The following RNF180 variants were observed in gnomAD, a reference collection of about 807,000 sequenced individuals.
RNF180 encodes the protein ring finger protein 180, also known as E3 ubiquitin-protein ligase RNF180.
RNF180 carries 38 observed loss-of-function variants against 59.2 expected under a neutral mutation model. The ratio of observed to expected loss-of-function variants is 0.64; its 90% confidence interval spans 0.50 to 0.84. The LOEUF (loss-of-function observed/expected upper bound fraction) is 0.84. Among genes scored for constraint, RNF180 ranks in the 40% least tolerant of loss-of-function variants. The pLI, the probability that RNF180 is intolerant of heterozygous loss-of-function variation, is 0.00. For missense variants in RNF180, 705 were observed against 700.9 expected, an observed-to-expected ratio of 1.01 and a Z score of -0.07; for synonymous variants, 262 against 240.3, an observed-to-expected ratio of 1.09 and a Z score of -0.84.
At chr5:64,181,781 A>G (rs1250614913) in intron 1 of RNF180, among the ~76,000 whole-genome samples, 3 of 152,206 alleles carry the variant, frequency 2.0e-5, no homozygotes, top group African/African-American at 7.2e-5. Context: ...GGGAAGATTT[A>G]TTATTGAAAA....
intron 5 of RNF180, among the ~76,000 whole-genome samples, chr5:64,244,142 G>A (rs913862163): frequency 6.6e-6 from 1 of 152,026 alleles, no homozygotes; most frequent in Non-Finnish European, 1.5e-5. Context: ...GAAAAAACAG[G>A]ACAAAAAGGC....
chr5:64,175,218 C>G (rs771824419), intron 1 of RNF180, among the ~76,000 whole-genome samples: 1 of 152,176 alleles, frequency 6.6e-6, no homozygotes, highest in African/African-American at 2.4e-5. Flanking sequence ...ATGCCCGCCT[C>G]GGACTCCCAA....
intron 2 of RNF180, among the ~76,000 whole-genome samples, chr5:64,210,467 T>A (rs575580219): frequency 4.9e-4 from 74 of 152,286 alleles, no homozygotes; most frequent in African/African-American, 1.8e-3. Flanking sequence ...ATTTCTCTTT[T>A]GAGGGGGAAA....
intron 5 of RNF180, among the ~76,000 whole-genome samples, chr5:64,289,390 A>T (rs1742456547): frequency 6.6e-6 from 1 of 152,186 alleles, no homozygotes; most frequent in Non-Finnish European, 1.5e-5. Context: ...TGGTATCAGG[A>T]TGATACTGGT....
intron 5 of RNF180, among the ~76,000 whole-genome samples, chr5:64,238,454 A>G (rs895601264): frequency 6.6e-6 from 1 of 152,136 alleles, no homozygotes; most frequent in Admixed American, 6.5e-5. Flanking sequence ...CATTATCATC[A>G]ACAGTATGCA....
chr5:64,216,390 A>G (rs1214104380), intron 4 of RNF180, among the ~76,000 whole-genome samples: 1 of 152,140 alleles, frequency 6.6e-6, no homozygotes, highest in Non-Finnish European at 1.5e-5. Flanking sequence ...GTAAACACTT[A>G]CTAAAGCTTG....
At chr5:64,233,413 A>G (rs763017249) in intron 5 of RNF180, among the ~76,000 whole-genome samples, 7 of 152,242 alleles carry the variant, frequency 4.6e-5, no homozygotes, top group Non-Finnish European at 1.0e-4. Flanking sequence ...AAATAATTTT[A>G]AGGAAGCTAG....
intron 5 of RNF180, among the ~76,000 whole-genome samples, chr5:64,288,503 C>T (rs888362167): frequency 2.0e-4 from 30 of 152,270 alleles, no homozygotes; most frequent in Admixed American, 1.8e-3. Context: ...GCCATTTTCA[C>T]GATATGATTC....
At position 64,177,526 on chromosome 5, in the gene RNF180, CATATATATATATATAT is replaced by C. The variant is rs58046669; in HGVS notation, c.-1+11598_-1+11613del. On this transcript the variant is annotated intron_variant, in intron 1 of 7. Coordinates refer to ENST00000389100, the MANE Select transcript of RNF180 (RefSeq NM_001113561.2). ...TTTTTTTCAAAGGCATAAATTATGC[CATATATATATATATAT>C]ATATATATATATATATATATATATG... Among the ~76,000 whole-genome samples, 999 of 105,226 alleles carry C rather than the reference CATATATATATATATAT, an allele frequency of 9.5e-3. 19 individuals carry two copies. Among genetic ancestry groups the C allele is most frequent in the African/African-American group, 0.026 (849 of 32,060 alleles). 69.0% of individuals were successfully genotyped at this position (105,226 alleles called of 152,430 possible).
chr5:64,227,125 G>T (rs1741816702), intron 5 of RNF180, among the ~76,000 whole-genome samples: 1 of 152,180 alleles, frequency 6.6e-6, no homozygotes, highest in African/African-American at 2.4e-5. Flanking sequence ...AGAGCTGGAG[G>T]CAGCGGCCAC....
chr5:64,366,374 C>T (rs1297386377), intron 7 of RNF180, among the ~76,000 whole-genome samples: 6 of 151,496 alleles, frequency 4.0e-5, no homozygotes, highest in Admixed American at 2.0e-4. Flanking sequence ...GTCTTTCTCT[C>T]TAGCTGCCTT....
chr5:64,265,723 C>T (rs918625063), intron 5 of RNF180, among the ~76,000 whole-genome samples: 1 of 151,836 alleles, frequency 6.6e-6, no homozygotes, highest in African/African-American at 2.4e-5. Flanking sequence ...TTTTTTGGTG[C>T]CATATGAAAT....
chr5:64,185,677 A>G (rs1287787382), intron 1 of RNF180, among the ~76,000 whole-genome samples: 1 of 152,174 alleles, frequency 6.6e-6, no homozygotes, highest in African/African-American at 2.4e-5. Flanking sequence ...AATTGCCACA[A>G]ATTCATTTCA....
chr5:64,313,195 G>A (rs1743864644), intron 5 of RNF180, among the ~76,000 whole-genome samples: 1 of 151,946 alleles, frequency 6.6e-6, no homozygotes, highest in South Asian at 2.1e-4. Context: ...ACATGTGCAG[G>A]TTTGTTAAAT....
intron 5 of RNF180, among the ~76,000 whole-genome samples, chr5:64,251,804 G>C (rs1191535000): frequency 6.6e-6 from 1 of 152,048 alleles, no homozygotes; most frequent in African/African-American, 2.4e-5. Context: ...TACACACAGT[G>C]AACTATCTGA....
intron 7 of RNF180, among the ~76,000 whole-genome samples, chr5:64,333,136 C>A (rs180943640): frequency 1.3e-5 from 2 of 152,110 alleles, no homozygotes; most frequent in African/African-American, 4.8e-5. Context: ...AATTTAATAT[C>A]TAGAGATTTG....
rs566743050 is a variant in RNF180, at chr5:64,331,236, C to T, written c.1579+830C>T. Among the ~76,000 whole-genome samples the T allele has an allele frequency of 4.6e-5, 7 of 152,278 alleles. No homozygotes were observed. The South Asian group carries it at 8.3e-4, about 18-fold the overall frequency. ...AGAATAGCTTGGGCACTGTGGGCAC[C>T]GTGGATGGCAGGTTGATGGTGGCAG... On this transcript the variant is annotated intron_variant, in intron 7 of 7. Coordinates refer to ENST00000389100, the MANE Select transcript of RNF180 (RefSeq NM_001113561.2).
At chr5:64,265,689 A>C (rs968965158) in intron 5 of RNF180, among the ~76,000 whole-genome samples, 4 of 152,146 alleles carry the variant, frequency 2.6e-5, no homozygotes, top group African/African-American at 9.7e-5. Flanking sequence ...CTTTTTGCTT[A>C]GGATTGTCTT....
chr5:64,337,182 T>C (rs1015907695), intron 7 of RNF180, among the ~76,000 whole-genome samples: 1 of 152,022 alleles, frequency 6.6e-6, no homozygotes, highest in African/African-American at 2.4e-5. Flanking sequence ...CCTGGCTGAT[T>C]TTGTTTTTGT....
Sources: gnomAD v4.1 joint callset for allele counts (sites outside exome capture counted in the v4.1 genomes callset) on GRCh38, gnomAD v4.1.1 for gene constraint, MANE v1.5 for transcripts, NCBI Gene and HGNC (gene_info 2026-07-23, HGNC 2026-07-21) for gene names.